ALDH1A2: variants seen among roughly 807,000 people sequenced by gnomAD.
ALDH1A2 encodes the protein aldehyde dehydrogenase 1 family member A2.
In ALDH1A2, 27 loss-of-function variants were observed where a neutral mutation model predicts 60.3. The observed-to-expected ratio is 0.45, with a 90% CI of 0.33 to 0.62. ALDH1A2 has a LOEUF of 0.62. ALDH1A2 is among the 20% of genes least tolerant of loss of function. The pLI is 0.02. For missense variants in ALDH1A2, 581 were observed against 643.8 expected, an observed-to-expected ratio of 0.90 and a Z score of 1.06; for synonymous variants, 289 against 232.4, an observed-to-expected ratio of 1.24 and a Z score of -2.21.
At chr15:58,028,945 A>G (rs1896155607) in intron 1 of ALDH1A2, among the ~76,000 whole-genome samples, 1 of 152,184 alleles carries the variant, frequency 6.6e-6, no homozygotes. Flanking sequence ...CCACACAATA[A>G]TAATGGGAGA....
At chr15:58,044,901 A>G (rs1896600581) in intron 1 of ALDH1A2, among the ~76,000 whole-genome samples, 1 of 151,980 alleles carries the variant, frequency 6.6e-6, no homozygotes, top group Non-Finnish European at 1.5e-5. Flanking sequence ...CAACAAAGTG[A>G]GTCCTTTTTC....
chr15:58,065,272 C>A, intron 1 of ALDH1A2: 1 of 500,048 alleles, frequency 2.0e-6, no homozygotes, highest in South Asian at 2.0e-5. Flanking sequence ...CCTCAGAGTC[C>A]GGGGCAGGAG....
chr15:57,963,724 C>G (rs1240191608), intron 9 of ALDH1A2, among the ~76,000 whole-genome samples, 161 bp downstream of exon 9: 1 of 152,130 alleles, frequency 6.6e-6, no homozygotes, highest in African/African-American at 2.4e-5. Flanking sequence ...AAGAAATAAG[C>G]AATCCCTCTC....
At chr15:58,048,798 ACT>A (rs1471963292) in intron 1 of ALDH1A2, among the ~76,000 whole-genome samples, 4 of 151,810 alleles carry the variant, frequency 2.6e-5, no homozygotes, top group Non-Finnish European at 4.4e-5. Flanking sequence ...GTCTTCTTGG[ACT>A]CTATTTTTTA....
chr15:58,038,328 C>G (rs1294202476), intron 1 of ALDH1A2, among the ~76,000 whole-genome samples: 2 of 151,634 alleles, frequency 1.3e-5, no homozygotes, highest in Non-Finnish European at 3.0e-5. Flanking sequence ...ATAGCCTTAT[C>G]CCAGGGATAA....
intron 7 of ALDH1A2, among the ~76,000 whole-genome samples, chr15:57,972,867 G>A (rs541742624): frequency 6.8e-4 from 103 of 152,190 alleles, no homozygotes; most frequent in African/African-American, 2.4e-3. Context: ...AGCTAAAACT[G>A]TAGCAAGCCA....
At chr15:58,041,560 T>C (rs1227467713) in intron 1 of ALDH1A2, among the ~76,000 whole-genome samples, 1 of 151,872 alleles carries the variant, frequency 6.6e-6, no homozygotes, top group East Asian at 1.9e-4. Flanking sequence ...GGCCCACTTT[T>C]TGGTTCATAG....
chr15:58,010,105 G>C (rs1452824358), intron 4 of ALDH1A2, among the ~76,000 whole-genome samples: 1 of 152,098 alleles, frequency 6.6e-6, no homozygotes, highest in Middle Eastern at 3.2e-3. Context: ...AAAGGGGTTA[G>C]GATTAGTGTT....
Position 58,013,911 on chromosome 15 carries a change from G to A in ALDH1A2, c.310C>T (p.Arg104Cys), listed in dbSNP as rs1289349342. 4.3e-6 allele frequency: 7 copies of A among 1,613,982 alleles called. No individual in the cohort carries two copies. Among genetic ancestry groups the A allele is most frequent in the South Asian group, 3.3e-5 (3 of 91,090 alleles). The change falls in exon 3 of 13, where the codon CGT (arginine) becomes TGT (cysteine). Residue 104 changes from arginine to cysteine, a missense_variant. Physicochemically the swap from Arg to Cys is radical, Grantham distance 180 (BLOSUM62 -3). This residue lies in a region of ALDH1A2 where 206 missense variants were observed against 174.1 expected (regional missense o/e 1.18). Coordinates refer to ENST00000249750, the MANE Select transcript of ALDH1A2 (RefSeq NM_003888.4). ...AAGTCTGCAAGCTTATCCAACAGAC[G>A]TCCCCTTTCTGAAGCATCCATCCTT... ...WRRMDASERGRLLDKLADLVE... is the reference protein window; with the variant it reads ...WRRMDASERGCLLDKLADLVE...
At chr15:57,958,984 T>C (rs1893633165) in intron 12 of ALDH1A2, among the ~76,000 whole-genome samples, 1 of 152,168 alleles carries the variant, frequency 6.6e-6, no homozygotes, top group African/African-American at 2.4e-5. Context: ...CACTGTTATA[T>C]GAGGTTCAGA....
intron 9 of ALDH1A2, among the ~76,000 whole-genome samples, chr15:57,963,173 G>A (rs1280948869): frequency 6.6e-6 from 1 of 152,110 alleles, no homozygotes; most frequent in Non-Finnish European, 1.5e-5. Flanking sequence ...AGGATAGATG[G>A]CTCTAGGAAA....
At chr15:58,027,075 A>T (rs147057078) in intron 1 of ALDH1A2, among the ~76,000 whole-genome samples, 68 of 152,244 alleles carry the variant, frequency 4.5e-4, no homozygotes, top group African/African-American at 1.5e-3. Flanking sequence ...CTGCCTCCTC[A>T]AGTGGGTCCC....
chr15:58,065,266 A>C (rs1376370287), intron 1 of ALDH1A2: 2 of 482,232 alleles, frequency 4.1e-6, no homozygotes, highest in Non-Finnish European at 7.5e-6. Flanking sequence ...AACCAGCCTC[A>C]GAGTCCGGGG....
chr15:57,976,876 T>TC (rs1894277159), intron 7 of ALDH1A2, among the ~76,000 whole-genome samples: 1 of 152,116 alleles, frequency 6.6e-6, no homozygotes, highest in African/African-American at 2.4e-5. Context: ...TATACTCCCA[T>TC]CAACAGTGTA....
chr15:58,023,794 G>A (rs1218672042), intron 1 of ALDH1A2, among the ~76,000 whole-genome samples: 1 of 152,080 alleles, frequency 6.6e-6, no homozygotes, highest in Non-Finnish European at 1.5e-5. Context: ...GACCCTACAA[G>A]AAATGCTCAA....
intron 1 of ALDH1A2, among the ~76,000 whole-genome samples, chr15:58,050,862 A>G (rs964619938): frequency 3.9e-5 from 6 of 152,204 alleles, no homozygotes; most frequent in African/African-American, 1.4e-4. Flanking sequence ...TTAAATGTGA[A>G]TATCATCTTT....
At chr15:57,998,444 A>C (rs1428341467) in intron 4 of ALDH1A2, among the ~76,000 whole-genome samples, 1 of 152,124 alleles carries the variant, frequency 6.6e-6, no homozygotes, top group East Asian at 1.9e-4. Context: ...ATAAACTCCC[A>C]TTCATAATTG....
At chr15:57,968,839 C>A (rs114673777) in intron 7 of ALDH1A2, among the ~76,000 whole-genome samples, 1 of 152,116 alleles carries the variant, frequency 6.6e-6, no homozygotes, top group African/African-American at 2.4e-5. Context: ...CTAGAAATGT[C>A]GGCCAGTGAT....
chr15:58,005,187 T>C (rs1895408785), intron 4 of ALDH1A2, among the ~76,000 whole-genome samples: 1 of 151,918 alleles, frequency 6.6e-6, no homozygotes, highest in East Asian at 1.9e-4. Context: ...GTAATGTCCC[T>C]GACTCCATGT....
Sources: allele counts gnomAD v4.1 joint callset (sites outside exome capture counted in the v4.1 genomes callset), GRCh38; gene constraint gnomAD v4.1.1; regional missense constraint gnomAD v4.1.1; transcripts MANE v1.5; gene names NCBI Gene and HGNC (gene_info 2026-07-23, HGNC 2026-07-21).